PRKAR1A: variants seen among roughly 807,000 people sequenced by gnomAD.
PRKAR1A encodes cAMP-dependent protein kinase type I-alpha regulatory subunit.
Under a neutral mutation model 52.0 loss-of-function variants are expected in PRKAR1A, and 3 were observed. That is an observed-to-expected ratio of 0.06 (90% CI 0.03 to 0.15). PRKAR1A has a LOEUF of 0.15. Among genes scored for constraint, PRKAR1A ranks in the 10% least tolerant of loss-of-function variants. The pLI, the probability that PRKAR1A is intolerant of heterozygous loss-of-function variation, is 1.00. For synonymous variants in PRKAR1A, 188 were observed against 168.4 expected (o/e 1.12, Z -0.90); for missense variants, 240 against 477.4 (o/e 0.50, Z 4.63).
the PRKAR1A span, chr17:68,436,283 G>A: frequency 6.4e-5 from 68 of 1,063,916 alleles, no homozygotes; most frequent in Non-Finnish European, 8.4e-5. Flanking sequence ...TACTCCCACC[G>A]CCTCCAGCCC....
chr17:68,436,523 A>G, the PRKAR1A span: 1 of 1,581,726 alleles, frequency 6.3e-7, no homozygotes, highest in Non-Finnish European at 8.7e-7. Flanking sequence ...GGGCCAAGGG[A>G]GAGATTGCAC....
chr17:68,536,596 C>T (rs776673449), downstream of PRKAR1A: 8 of 453,304 alleles, frequency 1.8e-5, no homozygotes, highest in African/African-American at 2.0e-5. Flanking sequence ...GGGGATGGGC[C>T]GGGGACAATC....
At chr17:68,514,958 T>G in intron 1 of PRKAR1A, 1 of 247,354 alleles carries the variant, frequency 4.0e-6, no homozygotes. Flanking sequence ...CAGATATTCT[T>G]CATTGTGCTG....
the PRKAR1A span, chr17:68,422,665 G>T: frequency 2.1e-5 from 3 of 140,738 alleles, no homozygotes; most frequent in Admixed American, 1.6e-4. Context: ...GGAGGTGGAG[G>T]TTGCAGTGAG....
chr17:68,539,684 GCT>G (rs1373891303), intron 11 of PRKAR1A, among the ~76,000 whole-genome samples: 1 of 152,266 alleles, frequency 6.6e-6, no homozygotes, highest in Non-Finnish European at 1.5e-5. Flanking sequence ...GCACACGAGT[GCT>G]CTCAGGCTGG....
chr17:68,437,947 T>TAAAAAAAAAACAAAAAAAAAAAAAAAA, the PRKAR1A span, among the ~76,000 whole-genome samples: 1 of 58,786 alleles, frequency 1.7e-5, no homozygotes. Context: ...GACATCTCTC[T>TAAAAAAAAAACAAAAAAAAAAAAAAAA]TAAAAAAAAA....
the PRKAR1A span, among the ~76,000 whole-genome samples, chr17:68,432,467 A>G: frequency 0.48 from 72,433 of 152,008 alleles, 17,490 homozygotes; most frequent in Admixed American, 0.6. Context: ...AGAACTGTGA[A>G]ATCATAAATG....
At chr17:68,515,143 A>G in intron 1 of PRKAR1A, 6 of 501,558 alleles carry the variant, frequency 1.2e-5, no homozygotes, top group South Asian at 2.1e-5. Flanking sequence ...ACTTCCTCCC[A>G]GGAGCTGAGG....
chr17:68,536,684 G>A (rs1419615975), downstream of PRKAR1A: 1 of 453,480 alleles, frequency 2.2e-6, no homozygotes, highest in Admixed American at 2.4e-5. Context: ...CTCCAGGCTT[G>A]TGTCCCTGCT....
intron 11 of PRKAR1A, chr17:68,540,539 C>G (rs898455208): frequency 2.0e-6 from 1 of 503,342 alleles, no homozygotes; most frequent in African/African-American, 1.9e-5. Flanking sequence ...ACTTTCTTCC[C>G]TTCCTACCTG....
intron 1 of PRKAR1A, chr17:68,513,239 G>A (rs72847782): frequency 0.19 from 28,705 of 152,202 alleles, 3,206 homozygotes; most frequent in African/African-American, 0.31. Context: ...GAAGTGAAGG[G>A]CATTTTCCTG....
At chr17:68,521,926 A>G (rs2085624069) in intron 2 of PRKAR1A, among the ~76,000 whole-genome samples, 1 of 152,240 alleles carries the variant, frequency 6.6e-6, no homozygotes, top group Non-Finnish European at 1.5e-5. Flanking sequence ...ATTTGTTTTT[A>G]AGGCTCTAGA....
chr17:68,512,132 G>C (rs1028133131), upstream of PRKAR1A: 13 of 154,054 alleles, frequency 8.4e-5, no homozygotes, highest in African/African-American at 3.1e-4. Flanking sequence ...AAGACACCCA[G>C]AGAGGGACAG....
chr17:68,534,065 G>A (rs1008066071), downstream of PRKAR1A, among the ~76,000 whole-genome samples: 2 of 152,164 alleles, frequency 1.3e-5, no homozygotes, highest in African/African-American at 4.8e-5. Context: ...AAACGCTGTA[G>A]CTATGTGAAT....
intron 11 of PRKAR1A, among the ~76,000 whole-genome samples, chr17:68,549,762 T>C (rs1228168287): frequency 6.6e-6 from 1 of 152,200 alleles, no homozygotes; most frequent in Non-Finnish European, 1.5e-5. Context: ...CTGGTGACTC[T>C]TGTGTTCAGC....
the PRKAR1A span, among the ~76,000 whole-genome samples, chr17:68,475,091 A>G: frequency 6.6e-6 from 1 of 152,244 alleles, no homozygotes; most frequent in South Asian, 2.1e-4. Context: ...GAGGGAAAAT[A>G]TAACCCTCTC....
the PRKAR1A span, among the ~76,000 whole-genome samples, chr17:68,431,221 G>A: frequency 2.0e-5 from 3 of 152,200 alleles, no homozygotes; most frequent in African/African-American, 7.2e-5. Flanking sequence ...GTCCAGGCAG[G>A]AGCTAGTCCA....
Position 68,531,319 on chromosome 17 carries a change from G to A in PRKAR1A, c.*870G>A, listed in dbSNP as rs8082254. ...ACATTCTTGGTTGTTAATTTAGAGC[G>A]TTTGGTTAAAGTATGTCCTTCAGCT... On this transcript the variant is annotated 3_prime_UTR_variant, in exon 11 of 11. Coordinates refer to ENST00000589228, the MANE Select transcript of PRKAR1A (RefSeq NM_002734.5). 148,629 of 1,065,690 alleles carry A rather than the reference G, an allele frequency of 0.14. 10,345 individuals carry two copies. The highest frequency in any genetic ancestry group is 0.2 in the South Asian group (4,355 of 21,984). 66.0% of individuals were successfully genotyped at this position (1,065,690 alleles called of 1,614,324 possible). A position where few individuals can be genotyped will look rare whatever the true frequency, so the allele number is the denominator to read the frequency against.
At chr17:68,547,940 A>ATTT (rs1345793025) in intron 11 of PRKAR1A, among the ~76,000 whole-genome samples, 1 of 152,152 alleles carries the variant, frequency 6.6e-6, no homozygotes, top group Non-Finnish European at 1.5e-5. Flanking sequence ...CTCGCTTCCC[A>ATTT]TTTAAAGTGA....
Sources: allele counts gnomAD v4.1 joint callset (sites outside exome capture counted in the v4.1 genomes callset), GRCh38; gene constraint gnomAD v4.1.1; transcripts MANE v1.5; gene names NCBI Gene and HGNC (gene_info 2026-07-23, HGNC 2026-07-21).